The following FTCDNL1 variants were observed in gnomAD, a reference collection of about 807,000 sequenced individuals.
FTCDNL1 encodes the protein formiminotransferase N-terminal subdomain-containing protein.
A neutral mutation model predicts 5.9 loss-of-function variants in FTCDNL1; 11 were observed. The observed-to-expected ratio is 1.87, with a 90% confidence interval of 1.18 to 3.10. The LOEUF (loss-of-function observed/expected upper bound fraction) is 3.10. Ranked by LOEUF, FTCDNL1 falls within the 30% of genes most tolerant of loss-of-function variation. FTCDNL1 has a pLI of 0.00. For synonymous variants in FTCDNL1, 58 were observed against 24.8 expected (o/e 2.34, Z -3.99); for missense variants, 115 against 65.5 (o/e 1.76, Z -2.61).
chr2:199,714,651 A>C, the FTCDNL1 span, among the ~76,000 whole-genome samples: 1 of 152,176 alleles, frequency 6.6e-6, no homozygotes, highest in African/African-American at 2.4e-5. Flanking sequence ...CCCCAGGTGA[A>C]ACAAAGCTTG....
At chr2:199,759,605 G>C (rs1698190944), downstream of FTCDNL1, among the ~76,000 whole-genome samples, 1 of 152,238 alleles carries the variant, frequency 6.6e-6, no homozygotes, top group African/African-American at 2.4e-5. Context: ...ACAGAAACAT[G>C]TATGTGTATA....
chr2:199,812,604 C>T lies in FTCDNL1; in HGVS notation c.*101G>A, dbSNP rs1176403972. 3 of 520,818 alleles carry T rather than the reference C, an allele frequency of 5.8e-6. No individual in the cohort carries two copies. The African/African-American group carries it at 5.9e-5, about 10-fold the overall frequency. The allele number at this position is 520,818 out of a possible 1,614,324, so 32.3% of individuals were successfully genotyped here. On this transcript the variant is annotated 3_prime_UTR_variant, in exon 5 of 5. Coordinates refer to ENST00000420128, the MANE Select transcript of FTCDNL1 (RefSeq NM_001363886.2). Reference sequence around the variant, plus strand: ...GTTTGTTTCTCAGTTTGCAGTTTCGCTCCACTCCCGCCTCCCGCAGATTGG... The same window carrying T: ...GTTTGTTTCTCAGTTTGCAGTTTCGTTCCACTCCCGCCTCCCGCAGATTGG...
intron 3 of FTCDNL1, among the ~76,000 whole-genome samples, chr2:199,761,525 C>T (rs895968241): frequency 6.6e-6 from 1 of 152,198 alleles, no homozygotes; most frequent in Non-Finnish European, 1.5e-5. Flanking sequence ...TCCCACCTGG[C>T]CCATCTGTTG....
At chr2:199,775,612 C>T (rs1699019332) in intron 3 of FTCDNL1, among the ~76,000 whole-genome samples, 1 of 152,214 alleles carries the variant, frequency 6.6e-6, no homozygotes, top group Non-Finnish European at 1.5e-5. Context: ...GATATCCACG[C>T]TCATGTGCCT....
At chr2:199,778,501 C>A (rs1324565522) in intron 3 of FTCDNL1, among the ~76,000 whole-genome samples, 1 of 152,284 alleles carries the variant, frequency 6.6e-6, no homozygotes, top group African/African-American at 2.4e-5. Flanking sequence ...CACCTGCGAG[C>A]ACTTTCGGCC....
At chr2:199,759,875 G>A (rs1245363981), downstream of FTCDNL1, among the ~76,000 whole-genome samples, 1 of 152,012 alleles carries the variant, frequency 6.6e-6, no homozygotes, top group East Asian at 1.9e-4. Flanking sequence ...AAACAACATG[G>A]CCACACCATC....
the FTCDNL1 span, among the ~76,000 whole-genome samples, chr2:199,724,396 G>A: frequency 8.4e-4 from 127 of 152,064 alleles, no homozygotes; most frequent in East Asian, 0.017. Context: ...GTTTCACTCT[G>A]ATCTTAGTTA....
intron 3 of FTCDNL1, among the ~76,000 whole-genome samples, chr2:199,832,957 G>T (rs1574654299): frequency 6.6e-6 from 1 of 151,312 alleles, no homozygotes; most frequent in African/African-American, 2.4e-5. Context: ...AACTCAGATT[G>T]TTCAGCTCCC....
the FTCDNL1 span, among the ~76,000 whole-genome samples, chr2:199,675,340 A>G: frequency 3.3e-5 from 5 of 152,182 alleles, no homozygotes; most frequent in Non-Finnish European, 5.9e-5. Context: ...AAAGGTTGGA[A>G]TAAGTGTATA....
downstream of FTCDNL1, among the ~76,000 whole-genome samples, chr2:199,807,401 C>A (rs576538944): frequency 6.6e-6 from 1 of 152,150 alleles, no homozygotes; most frequent in Non-Finnish European, 1.5e-5. Flanking sequence ...ACTTTGGGAG[C>A]CCGAGGTGGG....
chr2:199,692,797 A>C, the FTCDNL1 span, among the ~76,000 whole-genome samples: 2 of 152,248 alleles, frequency 1.3e-5, no homozygotes, highest in African/African-American at 4.8e-5. Context: ...GCAATTATAG[A>C]TGAGTTAGTA....
downstream of FTCDNL1, among the ~76,000 whole-genome samples, chr2:199,755,770 C>T (rs1366607031): frequency 6.6e-6 from 1 of 152,152 alleles, no homozygotes; most frequent in Non-Finnish European, 1.5e-5. Context: ...TTCTGTGCCA[C>T]CATTTCCTCA....
chr2:199,791,865 T>C (rs570546516), intron 3 of FTCDNL1, among the ~76,000 whole-genome samples: 2 of 152,266 alleles, frequency 1.3e-5, no homozygotes, highest in South Asian at 2.1e-4. Context: ...TATGTGTATA[T>C]ACCTATTTGT....
At chr2:199,693,632 G>C in the FTCDNL1 span, among the ~76,000 whole-genome samples, 3 of 152,116 alleles carry the variant, frequency 2.0e-5, no homozygotes, top group Non-Finnish European at 2.9e-5. Context: ...CCTAGACCTG[G>C]TTCTATTGTT....
chr2:199,747,217 G>C, the FTCDNL1 span, among the ~76,000 whole-genome samples: 1 of 152,140 alleles, frequency 6.6e-6, no homozygotes, highest in African/African-American at 2.4e-5. Context: ...GAGAGAAAGT[G>C]CTTGGGAAAT....
chr2:199,808,123 C>T (rs12611570), downstream of FTCDNL1, among the ~76,000 whole-genome samples: 34 of 152,280 alleles, frequency 2.2e-4, no homozygotes, highest in East Asian at 6.2e-3. Flanking sequence ...CTCCCCCTTC[C>T]CCTTCCACCA....
At chr2:199,839,081 T>G (rs1240276753) in intron 3 of FTCDNL1, among the ~76,000 whole-genome samples, 1 of 152,052 alleles carries the variant, frequency 6.6e-6, no homozygotes, top group Non-Finnish European at 1.5e-5. Flanking sequence ...CCTGCACACT[T>G]GGAGTGTCCA....
At chr2:199,766,562 T>TA (rs1698545922) in intron 3 of FTCDNL1, among the ~76,000 whole-genome samples, 1 of 152,216 alleles carries the variant, frequency 6.6e-6, no homozygotes, top group South Asian at 2.1e-4. Context: ...AATATGTAGA[T>TA]AATCACAACA....
At chr2:199,731,468 T>A in the FTCDNL1 span, among the ~76,000 whole-genome samples, 1 of 152,224 alleles carries the variant, frequency 6.6e-6, no homozygotes, top group Non-Finnish European at 1.5e-5. Flanking sequence ...AGGAACAATG[T>A]AATTAGACAG....
Sources: gnomAD v4.1 joint callset for allele counts (sites outside exome capture counted in the v4.1 genomes callset) on GRCh38, gnomAD v4.1.1 for gene constraint, MANE v1.5 for transcripts, NCBI Gene and HGNC (gene_info 2026-07-23, HGNC 2026-07-21) for gene names.